PRPF18: variants seen among roughly 807,000 people sequenced by gnomAD.
PRPF18 encodes pre-mRNA-splicing factor 18.
In PRPF18, 38 loss-of-function variants were observed where a neutral mutation model predicts 46.5. The observed-to-expected ratio is 0.82, with a 90% CI of 0.63 to 1.07. PRPF18 has a LOEUF of 1.07. Among genes scored for constraint, PRPF18 ranks in the 50% least tolerant of loss-of-function variants. PRPF18 has a pLI of 0.00. For synonymous variants in PRPF18, 152 were observed against 146.7 expected (o/e 1.04, Z -0.26); for missense variants, 263 against 410.0 (o/e 0.64, Z 3.10).
intron 9 of PRPF18, among the ~76,000 whole-genome samples, chr10:13,619,541 T>G (rs2080394358): frequency 6.6e-6 from 1 of 152,318 alleles, no homozygotes; most frequent in Non-Finnish European, 1.5e-5. Flanking sequence ...AGGCCATTGC[T>G]TAAACCTCAA....
intron 1 of PRPF18, chr10:13,591,786 C>G (rs571678406): frequency 1.1e-5 from 16 of 1,432,208 alleles, no homozygotes; most frequent in Non-Finnish European, 1.4e-5. Flanking sequence ...GATTGAGGAC[C>G]AGAGGTCCAG....
the PRPF18 span, chr10:13,654,727 C>T: frequency 1.1e-5 from 6 of 570,882 alleles, no homozygotes; most frequent in Non-Finnish European, 1.9e-5. Context: ...GCATCCCACC[C>T]ATTCCATTTT....
At chr10:13,593,433 G>A (rs76304835) in intron 1 of PRPF18, among the ~76,000 whole-genome samples, 2,012 of 152,268 alleles carry the variant, frequency 0.013, 45 homozygotes, top group African/African-American at 0.044. Flanking sequence ...CCCCAAGGAG[G>A]TTTTTTCAGT....
chr10:13,610,682 C>G (rs980517170), intron 5 of PRPF18, among the ~76,000 whole-genome samples: 5 of 152,152 alleles, frequency 3.3e-5, no homozygotes, highest in Admixed American at 6.5e-5. Flanking sequence ...TTGTTCCCAG[C>G]TCTCTCCTAC....
chr10:13,591,452 G>T, intron 1 of PRPF18: 1 of 572,398 alleles, frequency 1.7e-6, no homozygotes, highest in Non-Finnish European at 3.1e-6. Context: ...TTCTTCTTAA[G>T]AAATGTAGAA....
At chr10:13,614,903 G>A (rs1023679874) in intron 8 of PRPF18, among the ~76,000 whole-genome samples, 2 of 152,202 alleles carry the variant, frequency 1.3e-5, no homozygotes, top group African/African-American at 4.8e-5. Context: ...CCCAGTGCCA[G>A]TGCCAGAGCG....
chr10:13,633,717 G>C (rs1225724807), downstream of PRPF18, among the ~76,000 whole-genome samples: 2 of 152,128 alleles, frequency 1.3e-5, no homozygotes, highest in Non-Finnish European at 2.9e-5. Context: ...CAACTTAATG[G>C]ATTGTGCCTC....
the PRPF18 span, chr10:13,644,121 T>C: frequency 6.6e-6 from 1 of 152,554 alleles, no homozygotes; most frequent in African/African-American, 2.4e-5. Context: ...ATTTTAACAG[T>C]TTCAACACTC....
the PRPF18 span, chr10:13,644,642 A>G: frequency 6.6e-6 from 1 of 152,086 alleles, no homozygotes; most frequent in African/African-American, 2.4e-5. Context: ...TCAAGCTACT[A>G]TGCATGATGT....
At chr10:13,610,732 C>T (rs913767368) in intron 5 of PRPF18, among the ~76,000 whole-genome samples, 1 of 152,138 alleles carries the variant, frequency 6.6e-6, no homozygotes, top group Admixed American at 6.5e-5. Flanking sequence ...TGCATAACCA[C>T]GATGGCCTAG....
chr10:13,595,639 C>T (rs944654970), intron 1 of PRPF18, among the ~76,000 whole-genome samples: 11 of 152,146 alleles, frequency 7.2e-5, no homozygotes, highest in African/African-American at 2.7e-4. Context: ...TCAGCGTTCT[C>T]ATCTCTAAAA....
the PRPF18 span, among the ~76,000 whole-genome samples, chr10:13,637,461 C>T: frequency 3.3e-5 from 5 of 152,092 alleles, no homozygotes; most frequent in Admixed American, 6.5e-5. Flanking sequence ...GTTTAATGGC[C>T]ATTTGGATGT....
At chr10:13,651,512 G>A in the PRPF18 span, 1 of 189,888 alleles carries the variant, frequency 5.3e-6, no homozygotes, top group Non-Finnish European at 1.1e-5. Context: ...GGCCAACATG[G>A]CAAAACCCCG....
the PRPF18 span, chr10:13,639,116 A>G: frequency 3.3e-5 from 5 of 152,212 alleles, no homozygotes; most frequent in African/African-American, 9.7e-5. Context: ...ATGTGAGAGC[A>G]TTTACTTGAA....
In PRPF18 at chr10:13,587,288, G is replaced by A. The variant is rs184988664; in HGVS notation, c.66+136G>A. On this transcript the variant is annotated intron_variant, in intron 1 of 9. Transcript: ENST00000378572. Reference sequence around the variant, plus strand: ...AGCGAGTGTCCTGCCACTACCCCTGGTAGGCCCCCTTAGATCCAACCCTTG... The same window carrying A: ...AGCGAGTGTCCTGCCACTACCCCTGATAGGCCCCCTTAGATCCAACCCTTG... 72 of 916,120 alleles carry A rather than the reference G, an allele frequency of 7.9e-5. No individual in the cohort carries two copies. In the African/African-American group the frequency reaches 8.5e-4, roughly 11 times the overall value. The allele number at this position is 916,120 out of a possible 1,614,324, so 56.7% of individuals were successfully genotyped here.
chr10:13,625,249 T>C (rs1405976186), intron 9 of PRPF18, among the ~76,000 whole-genome samples: 1 of 152,118 alleles, frequency 6.6e-6, no homozygotes, highest in African/African-American at 2.4e-5. Flanking sequence ...GCCCAGGAGT[T>C]TGAGGCTGCA....
chr10:13,641,650 A>G, the PRPF18 span: 1 of 152,384 alleles, frequency 6.6e-6, no homozygotes, highest in East Asian at 1.9e-4. Flanking sequence ...TACCAGGTGG[A>G]AAACCAGGAC....
intron 9 of PRPF18, among the ~76,000 whole-genome samples, chr10:13,617,193 A>G (rs965474348): frequency 1.3e-5 from 2 of 152,260 alleles, no homozygotes; most frequent in African/African-American, 4.8e-5. Context: ...TTGTGTCTGT[A>G]AAATGACTTG....
intron 4 of PRPF18, among the ~76,000 whole-genome samples, chr10:13,609,703 A>T (rs1208213282): frequency 6.6e-6 from 1 of 152,200 alleles, no homozygotes; most frequent in African/African-American, 2.4e-5. Flanking sequence ...GGGGACTCTA[A>T]TGGAGACCTG....
Sources: allele counts gnomAD v4.1 joint callset (sites outside exome capture counted in the v4.1 genomes callset), GRCh38; gene constraint gnomAD v4.1.1; transcripts MANE v1.5; gene names NCBI Gene and HGNC (gene_info 2026-07-23, HGNC 2026-07-21).